NBAS: variants seen among roughly 807,000 people sequenced by gnomAD.
The protein encoded by NBAS is NAG/BC035112 fusion.
In NBAS, 219 loss-of-function variants were observed where a neutral mutation model predicts 302.5. The ratio of observed to expected loss-of-function variants is 0.72; its 90% CI spans 0.65 to 0.81. The LOEUF (loss-of-function observed/expected upper bound fraction) is 0.81, where lower values mean the gene tolerates loss of function less well. NBAS is among the 30% of genes least tolerant of loss of function. The pLI is 0.00. For synonymous variants in NBAS, 1,118 were observed against 1,021.6 expected (o/e 1.09, Z -1.80); for missense variants, 2,932 against 2,841.6 (o/e 1.03, Z -0.72).
the NBAS span, among the ~76,000 whole-genome samples, chr2:14,820,914 C>CT: frequency 1.8e-4 from 27 of 149,560 alleles, no homozygotes; most frequent in African/African-American, 3.2e-4. Context: ...CAGAGACACT[C>CT]TTTTTTTTTT....
chr2:15,441,380 A>T (rs377717870), intron 21 of NBAS, among the ~76,000 whole-genome samples: 7 of 148,690 alleles, frequency 4.7e-5, no homozygotes, highest in African/African-American at 1.7e-4. Flanking sequence ...GAATTTTCAA[A>T]CCAGAATTTC....
At chr2:15,506,746 G>A (rs1226832475) in intron 10 of NBAS, among the ~76,000 whole-genome samples, 1 of 151,874 alleles carries the variant, frequency 6.6e-6, no homozygotes, top group Non-Finnish European at 1.5e-5. Flanking sequence ...AACAAAAGTA[G>A]ACACCAATGT....
At chr2:15,302,612 G>C (rs1382434149) in intron 40 of NBAS, among the ~76,000 whole-genome samples, 1 of 152,164 alleles carries the variant, frequency 6.6e-6, no homozygotes, top group Non-Finnish European at 1.5e-5. Context: ...ATGAGGGCAG[G>C]AGAGCTCCAA....
chr2:15,439,511 CAAGATGGCTGAACAGCTCTGGTTGCA>C (rs1223730684), intron 21 of NBAS, among the ~76,000 whole-genome samples: 3 of 151,872 alleles, frequency 2.0e-5, no homozygotes, highest in African/African-American at 7.3e-5. Flanking sequence ...GGGGAGGAGC[CAAGATGGCTGAACAGCTCTGGTTGCA>C]AACAGCAACA....
the NBAS span, among the ~76,000 whole-genome samples, chr2:15,073,996 C>G: frequency 6.6e-6 from 1 of 151,988 alleles, no homozygotes; most frequent in Non-Finnish European, 1.5e-5. Context: ...GTGGATAAAA[C>G]ACTAGGAAAA....
At chr2:14,879,364 G>T in the NBAS span, among the ~76,000 whole-genome samples, 3 of 152,242 alleles carry the variant, frequency 2.0e-5, no homozygotes, top group African/African-American at 7.2e-5. Context: ...CATGTGGCAA[G>T]TTTATCAGAA....
chr2:15,531,850 G>A (rs1663230879), intron 9 of NBAS, among the ~76,000 whole-genome samples: 1 of 152,128 alleles, frequency 6.6e-6, no homozygotes, highest in African/African-American at 2.4e-5. Flanking sequence ...TGAGGGTAAT[G>A]TGGCCACCAT....
chr2:15,308,254 C>T lies in NBAS; in HGVS notation c.4759G>A (p.Ala1587Thr), dbSNP rs767344583. 28 of 1,614,030 alleles carry T rather than the reference C, an allele frequency of 1.7e-5. No homozygotes were observed. In the African/African-American group the frequency reaches 3.5e-4, roughly 20 times the overall value. Residue 1587 changes from alanine (A) to threonine (T), a missense_variant, in exon 40 of 52, where the codon GCC (alanine) becomes ACC (threonine). Ala to Thr is a moderately conservative substitution (Grantham distance 58, BLOSUM62 0). Coordinates refer to ENST00000281513, the MANE Select transcript of NBAS (RefSeq NM_015909.4). The part of the protein sequence containing the change: ...YYSLQIYARL[A>T]PCFRDKCHPL... Reference sequence around the variant, plus strand: ...TGGCACTTGTCCCTGAAACATGGGGCCAATCGGGCATAGATCTGGAGGCTA... The same window carrying T: ...TGGCACTTGTCCCTGAAACATGGGGTCAATCGGGCATAGATCTGGAGGCTA...
intron 47 of NBAS, 79 bp from the exon 48 acceptor site, chr2:15,219,047 T>C (rs1453696814): frequency 2.0e-5 from 30 of 1,531,726 alleles, no homozygotes; most frequent in Non-Finnish European, 2.6e-5. Context: ...ATGTGGTCAC[T>C]GACCTAACAC....
At chr2:14,867,291 C>T in the NBAS span, among the ~76,000 whole-genome samples, 2 of 152,246 alleles carry the variant, frequency 1.3e-5, no homozygotes, top group African/African-American at 2.4e-5. Flanking sequence ...TTTGTCTCTA[C>T]ATCATGGCTC....
At chr2:15,122,979 C>A in the NBAS span, among the ~76,000 whole-genome samples, 1 of 152,144 alleles carries the variant, frequency 6.6e-6, no homozygotes, top group Non-Finnish European at 1.5e-5. Flanking sequence ...GTGAAAACAG[C>A]AGAGGATGTA....
chr2:15,471,571 T>C (rs922322622), intron 16 of NBAS, among the ~76,000 whole-genome samples: 5 of 152,228 alleles, frequency 3.3e-5, no homozygotes, highest in African/African-American at 1.2e-4. Flanking sequence ...TGAGTCTAAC[T>C]ATAATTCTTT....
chr2:15,484,676 A>C (rs886947390), intron 12 of NBAS, among the ~76,000 whole-genome samples: 5 of 152,168 alleles, frequency 3.3e-5, no homozygotes, highest in Non-Finnish European at 7.4e-5. Context: ...GCTGACCTAC[A>C]TGCCTTTCCT....
At chr2:15,366,186 G>A (rs1003544019) in intron 32 of NBAS, among the ~76,000 whole-genome samples, 1 of 152,174 alleles carries the variant, frequency 6.6e-6, no homozygotes, top group Non-Finnish European at 1.5e-5. Context: ...AAGGTGAACT[G>A]GTAAGGTTGG....
rs1401385069 is a variant in NBAS, at chr2:15,407,156, CTAAG to C, written c.2938-4859_2938-4856del. Among the ~76,000 whole-genome samples, 3 of 152,256 alleles carry C rather than the reference CTAAG, an allele frequency of 2.0e-5. No homozygotes were observed. In the East Asian group the frequency reaches 5.8e-4, roughly 29 times the overall value. On this transcript the variant is annotated intron_variant, in intron 25 of 51. Coordinates refer to ENST00000281513, the MANE Select transcript of NBAS (RefSeq NM_015909.4). ...CCCAACACATGGAAAGCTAGTGAGA[CTAAG>C]TAAGTTTTTAAAATTTTATTAGATT... is the stretch of plus-strand genomic sequence containing the variant.
At chr2:14,897,459 C>T in the NBAS span, among the ~76,000 whole-genome samples, 4 of 152,172 alleles carry the variant, frequency 2.6e-5, no homozygotes, top group African/African-American at 7.2e-5. Context: ...AAAGCTTCCC[C>T]TCTCCCATAT....
the NBAS span, among the ~76,000 whole-genome samples, chr2:14,915,587 G>C: frequency 6.6e-6 from 1 of 152,126 alleles, no homozygotes; most frequent in Non-Finnish European, 1.5e-5. Flanking sequence ...TTTTGAGACA[G>C]AGTCTTGTTC....
chr2:15,328,284 A>G lies in NBAS; in HGVS notation c.4376T>C (p.Ile1459Thr), dbSNP rs774830142. The change falls in exon 37 of 52, where the codon ATC becomes ACC. Residue 1459 changes from isoleucine (I) to threonine (T), a missense_variant. Transcript: ENST00000281513. Reference protein sequence around the residue: ...QGQKCGGAYQIGTTANEDLEK... With the variant: ...QGQKCGGAYQTGTTANEDLEK... ...TAGATCTTCATTGGCTGTAGTTCCG[A>G]TTTGATATGCACCACCACATTTTTG... The G allele has an allele frequency of 6.2e-7, 1 of 1,613,802 alleles. No individual in the cohort carries two copies. The highest frequency in any genetic ancestry group is 8.5e-7 in the Non-Finnish European group (1 of 1,179,922).
At chr2:15,322,376 T>G (rs1671850411) in intron 38 of NBAS, among the ~76,000 whole-genome samples, 1 of 151,824 alleles carries the variant, frequency 6.6e-6, no homozygotes, top group African/African-American at 2.4e-5. Flanking sequence ...ACCCTAGAAC[T>G]TAAAGTATAA....
Sources: gnomAD v4.1 joint callset for allele counts (sites outside exome capture counted in the v4.1 genomes callset) on GRCh38, gnomAD v4.1.1 for gene constraint, MANE v1.5 for transcripts, NCBI Gene and HGNC (gene_info 2026-07-23, HGNC 2026-07-21) for gene names.